DACH1: variants seen among roughly 807,000 people sequenced by gnomAD.
The protein encoded by DACH1 is dachshund homolog 1.
A neutral mutation model predicts 54.2 loss-of-function variants in DACH1; 12 were observed. That is an observed-to-expected ratio of 0.22 (90% CI 0.14 to 0.36). DACH1 has a LOEUF of 0.36. Ranked by LOEUF, DACH1 falls within the 10% of genes least tolerant of loss-of-function variation. The pLI, the probability that DACH1 is intolerant of heterozygous loss-of-function variation, is 1.00. For missense variants in DACH1, 805 were observed against 929.8 expected, an observed-to-expected ratio of 0.87 and a Z score of 1.75; for synonymous variants, 386 against 366.2, an observed-to-expected ratio of 1.05 and a Z score of -0.62.
chr13:71,748,105 T>C (rs1884682753), intron 1 of DACH1, among the ~76,000 whole-genome samples: 1 of 152,038 alleles, frequency 6.6e-6, no homozygotes, highest in East Asian at 1.9e-4. Context: ...TATTACTTAC[T>C]GGCCAGCTTT....
intron 3 of DACH1, among the ~76,000 whole-genome samples, chr13:71,624,265 G>A (rs1461865573): frequency 6.6e-6 from 1 of 151,778 alleles, no homozygotes; most frequent in Non-Finnish European, 1.5e-5. Context: ...AAACCATGGT[G>A]GTTCCTATAC....
At chr13:71,663,521 T>C (rs548845823) in intron 2 of DACH1, among the ~76,000 whole-genome samples, 51 of 152,020 alleles carry the variant, frequency 3.4e-4, no homozygotes, top group Admixed American at 7.2e-4. Flanking sequence ...GATTCAAGGG[T>C]TGACAGCTAA....
intron 1 of DACH1, among the ~76,000 whole-genome samples, chr13:71,826,759 T>A (rs1164188537): frequency 6.6e-6 from 1 of 152,130 alleles, no homozygotes; most frequent in African/African-American, 2.4e-5. Flanking sequence ...AAGTAGATCC[T>A]TGAGGACTCA....
chr13:71,552,872 GAGAGAGAGAAAGAGAC>G (rs1282066000), intron 6 of DACH1, among the ~76,000 whole-genome samples: 10 of 131,166 alleles, frequency 7.6e-5, no homozygotes, highest in South Asian at 2.5e-4. Flanking sequence ...GAGAGAGAGA[GAGAGAGAGAAAGAGAC>G]AGAACTAATA....
At chr13:71,610,080 G>T (rs1366053298) in intron 3 of DACH1, among the ~76,000 whole-genome samples, 2 of 151,856 alleles carry the variant, frequency 1.3e-5, no homozygotes, top group African/African-American at 4.8e-5. Flanking sequence ...AATAAAAGAG[G>T]CAAACTACAC....
At chr13:71,541,124 A>G (rs1333493847) in intron 6 of DACH1, among the ~76,000 whole-genome samples, 1 of 151,942 alleles carries the variant, frequency 6.6e-6, no homozygotes, top group Admixed American at 6.6e-5. Flanking sequence ...GCAAATTATG[A>G]TGCTATTCCT....
intron 2 of DACH1, among the ~76,000 whole-genome samples, chr13:71,659,194 T>C (rs1879336122): frequency 6.6e-6 from 1 of 152,224 alleles, no homozygotes; most frequent in South Asian, 2.1e-4. Flanking sequence ...AGGAAGGAAG[T>C]TTCTGTATAT....
At chr13:71,609,071 A>G (rs1366480443) in intron 3 of DACH1, among the ~76,000 whole-genome samples, 1 of 152,164 alleles carries the variant, frequency 6.6e-6, no homozygotes, top group Non-Finnish European at 1.5e-5. Context: ...CTTCCTTTAA[A>G]GCAAGTATAA....
At chr13:71,754,744 A>G (rs904675802) in intron 1 of DACH1, among the ~76,000 whole-genome samples, 6 of 152,116 alleles carry the variant, frequency 3.9e-5, no homozygotes, top group Admixed American at 2.0e-4. Flanking sequence ...TAACCAGGAA[A>G]AAAAAAAAGG....
chr13:71,804,460 ACCT>A (rs1887414592), intron 1 of DACH1, among the ~76,000 whole-genome samples: 1 of 151,570 alleles, frequency 6.6e-6, no homozygotes, highest in African/African-American at 2.4e-5. Context: ...CCACTTTATA[ACCT>A]CCTATTTCAC....
chr13:71,818,569 C>A (rs1888055748), intron 1 of DACH1, among the ~76,000 whole-genome samples: 1 of 152,168 alleles, frequency 6.6e-6, no homozygotes, highest in Admixed American at 6.5e-5. Context: ...TTGTCCAAAT[C>A]ACCATCATAA....
At chr13:71,844,203 G>C (rs116044274) in intron 1 of DACH1, among the ~76,000 whole-genome samples, 1 of 152,122 alleles carries the variant, frequency 6.6e-6, no homozygotes, top group Non-Finnish European at 1.5e-5. Flanking sequence ...TTAAAATTAT[G>C]GTTTTAAGGC....
In DACH1 at chr13:71,598,081, A is replaced by G. The variant is rs111546270; in HGVS notation, c.1127-25069T>C. On this transcript the variant is annotated intron_variant, in intron 3 of 10. Coordinates refer to ENST00000613252, the MANE Select transcript of DACH1 (RefSeq NM_080759.6). ...GGCAACAGAGCAAGACCCTGTCAAA[A>G]AAAAAAAAAATAGGCAGAAATAAGA... is the stretch of plus-strand genomic sequence containing the variant. Among the ~76,000 whole-genome samples, 922 of 152,072 alleles carry G rather than the reference A, an allele frequency of 6.1e-3. 13 individuals carry two copies. The highest frequency in any genetic ancestry group is 0.021 in the African/African-American group (875 of 41,442).
At chr13:71,745,123 T>C (rs1359732355) in intron 1 of DACH1, among the ~76,000 whole-genome samples, 1 of 152,236 alleles carries the variant, frequency 6.6e-6, no homozygotes, top group East Asian at 1.9e-4. Context: ...CTGAATATTA[T>C]AAAGGGTTGT....
intron 6 of DACH1, among the ~76,000 whole-genome samples, chr13:71,547,265 C>G (rs943878736): frequency 6.6e-6 from 1 of 152,060 alleles, no homozygotes; most frequent in Non-Finnish European, 1.5e-5. Flanking sequence ...AAATGTTTTC[C>G]ACAGCCCAAG....
intron 1 of DACH1, among the ~76,000 whole-genome samples, chr13:71,709,267 C>T (rs936939665): frequency 3.9e-5 from 6 of 151,940 alleles, no homozygotes; most frequent in African/African-American, 1.5e-4. Context: ...TAATAAAATG[C>T]GTTATATATA....
intron 7 of DACH1, among the ~76,000 whole-genome samples, chr13:71,482,962 G>A (rs1248566645): frequency 3.3e-5 from 5 of 151,702 alleles, no homozygotes; most frequent in African/African-American, 9.7e-5. Flanking sequence ...CACCATACCC[G>A]GCTTATTTTT....
chr13:71,476,335 C>A (rs1206551981), intron 8 of DACH1, among the ~76,000 whole-genome samples: 2 of 152,068 alleles, frequency 1.3e-5, no homozygotes, highest in Non-Finnish European at 2.9e-5. Context: ...AATGTTAGAC[C>A]AACTCAGTTT....
intron 1 of DACH1, among the ~76,000 whole-genome samples, chr13:71,816,203 C>T (rs1375646255): frequency 1.3e-5 from 2 of 152,062 alleles, no homozygotes; most frequent in African/African-American, 2.4e-5. Context: ...ATACAATGTA[C>T]TTGCAACAGA....
Sources: allele counts gnomAD v4.1 joint callset (sites outside exome capture counted in the v4.1 genomes callset), GRCh38; gene constraint gnomAD v4.1.1; transcripts MANE v1.5; gene names NCBI Gene and HGNC (gene_info 2026-07-23, HGNC 2026-07-21).